The following MYO9B variants were observed in gnomAD, a reference collection of about 807,000 sequenced individuals.
The protein encoded by MYO9B is unconventional myosin-IXb.
Under a neutral mutation model 229.5 loss-of-function variants are expected in MYO9B, and 71 were observed. That is an observed-to-expected ratio of 0.31 (90% CI 0.26 to 0.38). MYO9B has a LOEUF of 0.38. MYO9B is among the 10% of genes least tolerant of loss of function. The pLI is 1.00. For synonymous variants in MYO9B, 1,185 were observed against 1,235.8 expected (o/e 0.96, Z 0.86); for missense variants, 2,255 against 2,920.5 (o/e 0.77, Z 5.25).
intron 1 of MYO9B, among the ~76,000 whole-genome samples, chr19:17,081,088 C>T (rs571198192): frequency 2.6e-4 from 39 of 152,204 alleles, no homozygotes; most frequent in Middle Eastern, 3.4e-3. Flanking sequence ...GGTGCAGTGA[C>T]GCGATCTCAG....
rs182258658 is a variant in MYO9B, at chr19:17,169,488, G to A, written c.1793+1424G>A. On this transcript the variant is annotated intron_variant, in intron 11 of 39. Transcript: ENST00000682292. Reference sequence around the variant, plus strand: ...GCAAAAATTAGCCAGGCATGGTGGCGGGTGCCTATAATTCCAGCTACTTGG... The same window carrying A: ...GCAAAAATTAGCCAGGCATGGTGGCAGGTGCCTATAATTCCAGCTACTTGG... 2.5e-3 allele frequency among the ~76,000 whole-genome samples: 376 copies of A among 152,104 alleles called. 1 individual carries two copies. The highest frequency in any genetic ancestry group is 8.4e-3 in the African/African-American group (348 of 41,502).
At position 17,188,086 on chromosome 19, in the gene MYO9B, G is replaced by A. The variant is rs774848553; in HGVS notation, c.2688+41G>A. 30 of 1,496,114 alleles carry A rather than the reference G, an allele frequency of 2.0e-5. No homozygotes were observed. In the South Asian group the frequency reaches 2.9e-4, roughly 14 times the overall value. The allele number at this position is 1,496,114 out of a possible 1,614,324, so 92.7% of individuals were successfully genotyped here. A position where few individuals can be genotyped will look rare whatever the true frequency, so the allele number is the denominator to read the frequency against. ...ATATACCTGGACACACCTGTTCCGT[G>A]GCAAAGGCAATCACCCTCTTCCAAA... On this transcript the variant is annotated intron_variant, in intron 19 of 39. Coordinates refer to ENST00000682292, the MANE Select transcript of MYO9B (RefSeq NM_004145.4).
intron 2 of MYO9B, among the ~76,000 whole-genome samples, chr19:17,142,355 A>C (rs2072352238): frequency 6.6e-6 from 1 of 151,988 alleles, no homozygotes; most frequent in Non-Finnish European, 1.5e-5. Context: ...TTTTCGGGGG[A>C]TCAGAATGTT....
At chr19:17,147,762 C>T (rs1429718517) in intron 3 of MYO9B, among the ~76,000 whole-genome samples, 9 of 137,900 alleles carry the variant, frequency 6.5e-5, no homozygotes, top group East Asian at 4.4e-4. Context: ...CTCGGCTCAC[C>T]GCAACCTCTG....
chr19:17,085,690 C>T (rs150867088), intron 1 of MYO9B, among the ~76,000 whole-genome samples: 42 of 151,382 alleles, frequency 2.8e-4, no homozygotes, highest in East Asian at 1.4e-3. Flanking sequence ...AAAAATTTAC[C>T]GAATGTGGAC....
At chr19:17,110,472 C>T (rs550051665) in intron 2 of MYO9B, among the ~76,000 whole-genome samples, 13 of 152,326 alleles carry the variant, frequency 8.5e-5, no homozygotes, top group African/African-American at 2.9e-4. Flanking sequence ...ACACGCTCCT[C>T]TCCCTTTGCC....
At position 17,175,755 on chromosome 19, in the gene MYO9B, T is replaced by A. The variant is rs767268444; in HGVS notation, c.2219+14T>A. 2.6e-6 allele frequency: 4 copies of A among 1,564,128 alleles called. No homozygotes were observed. The African/African-American group carries it at 5.4e-5, about 21-fold the overall frequency. The stretch of plus-strand genomic sequence containing the variant: ...AAAACTTTACCGGTGAGCAAGACCC[T>A]GATTTGCCCAAACTGAAATCATTAG... On this transcript the variant is annotated intron_variant, in intron 14 of 39. Transcript: ENST00000682292.
intron 30 of MYO9B, 36 bp downstream of exon 30, chr19:17,203,294 A>C: frequency 1.4e-6 from 2 of 1,467,036 alleles, no homozygotes; most frequent in Non-Finnish European, 1.9e-6. Context: ...AAAACCCTCC[A>C]TGTCCCCCAC....
chr19:17,076,503 C>G (rs923082633), intron 1 of MYO9B, among the ~76,000 whole-genome samples: 1 of 151,924 alleles, frequency 6.6e-6, no homozygotes, highest in Admixed American at 6.5e-5. Context: ...AGGGAGGGCC[C>G]GGAGAGGAGG....
chr19:17,170,647 C>CAAAAAAAAA (rs55894910), intron 11 of MYO9B, among the ~76,000 whole-genome samples: 1 of 88,838 alleles, frequency 1.1e-5, no homozygotes, highest in African/African-American at 4.4e-5. Context: ...CCCATCTCTA[C>CAAAAAAAAA]AAAAAAAAAA....
At chr19:17,181,499 C>T (rs970102336) in intron 15 of MYO9B, among the ~76,000 whole-genome samples, 7 of 152,178 alleles carry the variant, frequency 4.6e-5, no homozygotes, top group East Asian at 1.9e-4. Context: ...GTGCATAAAC[C>T]GGTTTGGGAT....
chr19:17,078,733 C>T (rs1445978615), intron 1 of MYO9B, among the ~76,000 whole-genome samples: 1 of 152,146 alleles, frequency 6.6e-6, no homozygotes, highest in Non-Finnish European at 1.5e-5. Context: ...ACGTGTTAAA[C>T]CACTCCGGGT....
chr19:17,194,363 A>G (rs1205176449), intron 21 of MYO9B, among the ~76,000 whole-genome samples, 193 bp from the exon 22 acceptor site: 1 of 152,006 alleles, frequency 6.6e-6, no homozygotes, highest in Non-Finnish European at 1.5e-5. Flanking sequence ...TATCTGTGAC[A>G]CTGAGGGGGC....
At chr19:17,144,233 G>C (rs956069500) in intron 2 of MYO9B, among the ~76,000 whole-genome samples, 3 of 151,934 alleles carry the variant, frequency 2.0e-5, no homozygotes, top group African/African-American at 7.3e-5. Flanking sequence ...ATATTAAAAG[G>C]TTAAAAAATA....
At chr19:17,179,401 TTC>T (rs982910868) in intron 14 of MYO9B, among the ~76,000 whole-genome samples, 2 of 151,636 alleles carry the variant, frequency 1.3e-5, no homozygotes, top group Non-Finnish European at 2.9e-5. Context: ...AGGGTCTTTT[TTC>T]TGAGTCGCCC....
intron 35 of MYO9B, among the ~76,000 whole-genome samples, chr19:17,209,213 T>G (rs1377293363): frequency 6.6e-6 from 1 of 152,186 alleles, no homozygotes; most frequent in Non-Finnish European, 1.5e-5. Context: ...GACCACCAAG[T>G]GGGCATACTG....
intron 1 of MYO9B, among the ~76,000 whole-genome samples, chr19:17,084,217 G>A (rs1173460981): frequency 6.6e-6 from 1 of 151,826 alleles, no homozygotes; most frequent in Non-Finnish European, 1.5e-5. Context: ...ACATGCCTGT[G>A]GTCCCAGCTA....
At chr19:17,206,883 G>T (rs1370054536) in intron 34 of MYO9B, 99 bp downstream of exon 34, 2 of 1,292,854 alleles carry the variant, frequency 1.5e-6, no homozygotes, top group East Asian at 2.5e-5. Context: ...TTCTGTGGTG[G>T]TTTCGAACCA....
At chr19:17,147,672 A>ATTTTT (rs1027030377) in intron 3 of MYO9B, among the ~76,000 whole-genome samples, 14 of 81,206 alleles carry the variant, frequency 1.7e-4, no homozygotes, top group Non-Finnish European at 2.8e-4. Context: ...ACTATGTTTA[A>ATTTTT]TTTTTTTTTT....
Sources: allele counts gnomAD v4.1 joint callset (sites outside exome capture counted in the v4.1 genomes callset), GRCh38; gene constraint gnomAD v4.1.1; transcripts MANE v1.5; gene names NCBI Gene and HGNC (gene_info 2026-07-23, HGNC 2026-07-21).